The following DHX8 variants were observed in gnomAD, a reference collection of about 807,000 sequenced individuals.
DHX8 encodes ATP-dependent RNA helicase DHX8.
Under a neutral mutation model 140.7 loss-of-function variants are expected in DHX8, and 67 were observed. That is an observed-to-expected ratio of 0.48 (90% CI 0.39 to 0.58). The LOEUF is 0.58. Among genes scored for constraint, DHX8 ranks in the 20% least tolerant of loss-of-function variants. The pLI, the probability that DHX8 is intolerant of heterozygous loss-of-function variation, is 0.00. For synonymous variants in DHX8, 533 were observed against 553.2 expected (o/e 0.96, Z 0.51); for missense variants, 887 against 1,550.7 (o/e 0.57, Z 7.19).
intron 16 of DHX8, among the ~76,000 whole-genome samples, chr17:43,512,958 G>A (rs901642494): frequency 2.0e-5 from 3 of 151,976 alleles, no homozygotes; most frequent in Non-Finnish European, 2.9e-5. Context: ...CAGATGTCTC[G>A]GTAGGGGAAA....
downstream of DHX8, chr17:43,526,026 G>A (rs147872257): frequency 3.0e-6 from 3 of 985,250 alleles, no homozygotes; most frequent in Admixed American, 6.1e-5. Context: ...ATCTCTCTAC[G>A]CTAGAGCTGA....
chr17:43,499,596 T>C (rs79509642), intron 10 of DHX8, among the ~76,000 whole-genome samples: 79 of 152,344 alleles, frequency 5.2e-4, no homozygotes, highest in African/African-American at 1.8e-3. Flanking sequence ...TCTTTAGGCA[T>C]ACCTGAAACC....
rs747267461 is a variant in DHX8, at chr17:43,521,509, T to C, written c.3207T>C (p.Ala1069=). Residue 1069 remains alanine (A), a synonymous_variant, in exon 21 of 23, where the codon GCT becomes GCC. Transcript: ENST00000262415. ...NPWCYENFIQ[A]RSLRRAQDIR... ...GGTGCTATGAGAACTTTATCCAGGC[T>C]CGTTCCCTGCGCCGGGCCCAGGACA... 8.1e-6 allele frequency: 13 copies of C among 1,613,768 alleles called. 2 individuals carry two copies. The South Asian group carries it at 1.3e-4, about 16-fold the overall frequency.
At chr17:43,532,393 G>A (rs1225444223) in intron 2 of DHX8, among the ~76,000 whole-genome samples, 1 of 152,094 alleles carries the variant, frequency 6.6e-6, no homozygotes, top group Non-Finnish European at 1.5e-5. Flanking sequence ...CAGGTACTCG[G>A]GAGGCTGAGG....
intron 10 of DHX8, among the ~76,000 whole-genome samples, chr17:43,499,563 A>C (rs539262863): frequency 7.2e-5 from 11 of 152,338 alleles, no homozygotes; most frequent in African/African-American, 2.4e-4. Context: ...TTTCATCATG[A>C]GATGGATCTG....
At chr17:43,533,879 G>A (rs1379773926) in intron 2 of DHX8, 1 of 1,605,458 alleles carries the variant, frequency 6.2e-7, no homozygotes, top group East Asian at 2.3e-5. Context: ...GGCACTGCTC[G>A]CCATGGTGGT....
At chr17:43,502,315 G>A (rs1023634780) in intron 11 of DHX8, among the ~76,000 whole-genome samples, 2 of 152,224 alleles carry the variant, frequency 1.3e-5, no homozygotes, top group African/African-American at 2.4e-5. Context: ...CACTTTGGGA[G>A]GCCGAGGCAG....
At chr17:43,499,324 T>G (rs1969051293) in intron 10 of DHX8, among the ~76,000 whole-genome samples, 1 of 152,204 alleles carries the variant, frequency 6.6e-6, no homozygotes, top group African/African-American at 2.4e-5. Flanking sequence ...GCTGTAGCAC[T>G]GGGTGCTGGA....
At chr17:43,508,283 G>A (rs1026232461) in intron 15 of DHX8, 56 bp from the exon 16 acceptor site, 18 of 1,563,006 alleles carry the variant, frequency 1.2e-5, no homozygotes, top group Non-Finnish European at 1.5e-5. Flanking sequence ...CATAGCCCTT[G>A]TATAGGACAC....
At position 43,492,422 on chromosome 17, in the gene DHX8, G is replaced by C. The variant is rs1003810652; in HGVS notation, c.503+130G>C. 3.2e-5 allele frequency: 22 copies of C among 695,034 alleles called. No individual in the cohort carries two copies. The Admixed American group carries it at 3.8e-4, about 12-fold the overall frequency. 43.1% of individuals were successfully genotyped at this position (695,034 alleles called of 1,614,324 possible). On this transcript the variant is annotated intron_variant, in intron 5 of 22. Coordinates refer to ENST00000262415, the MANE Select transcript of DHX8 (RefSeq NM_004941.3). ...GGTCATATATCATATTGTTGGATCTGTTTTCATTGCTTCCTGCTAAGTGTA... is the reference window on the plus strand; with the variant it reads ...GGTCATATATCATATTGTTGGATCTCTTTTCATTGCTTCCTGCTAAGTGTA...
intron 22 of DHX8, 135 bp from the exon 23 acceptor site, chr17:43,523,493 T>TGCAGTCTGTTTATGACA: frequency 7.3e-7 from 1 of 1,371,722 alleles, no homozygotes; most frequent in Non-Finnish European, 9.8e-7. Context: ...ATAAACAGAC[T>TGCAGTCTGTTTATGACA]GCAGTCTTAT....
At chr17:43,529,023 T>G, downstream of DHX8, 1 of 1,038,216 alleles carries the variant, frequency 9.6e-7, no homozygotes, top group Non-Finnish European at 1.5e-6. Flanking sequence ...TCTGACTGAT[T>G]CATTATCTGA....
At position 43,484,041 on chromosome 17, in the gene DHX8, G is replaced by T. The variant is rs772366722; in HGVS notation, c.4G>T (p.Ala2Ser). M[A>S]VAVAMAGALI... is the part of the protein sequence containing the mutation. ...AGGTTCTGGGCAAGCTATAGCCATGGCTGTGGCTGTAGCCATGGCGGGAGC... is the reference window on the plus strand; with the variant it reads ...AGGTTCTGGGCAAGCTATAGCCATGTCTGTGGCTGTAGCCATGGCGGGAGC... The change falls in exon 1 of 23, where the codon GCT (alanine) becomes TCT (serine). Residue 2 changes from alanine (A) to serine (S), a missense_variant. Ala to Ser is a moderately conservative substitution (Grantham distance 99, BLOSUM62 1). This residue lies in a region of DHX8 where 32 missense variants were observed against 25.1 expected (regional missense o/e 1.28). Coordinates refer to ENST00000262415, the MANE Select transcript of DHX8 (RefSeq NM_004941.3). 2.0e-5 allele frequency: 32 copies of T among 1,613,938 alleles called. No homozygotes were observed. Among genetic ancestry groups the T allele is most frequent in the Non-Finnish European group, 2.6e-5 (31 of 1,179,940 alleles).
At chr17:43,540,100 G>A (rs769187923) in intron 3 of DHX8, among the ~76,000 whole-genome samples, 13 of 152,098 alleles carry the variant, frequency 8.5e-5, no homozygotes, top group Non-Finnish European at 1.8e-4. Context: ...GCACAAACAC[G>A]GCAAAAAGAC....
At chr17:43,492,318 G>C in intron 5 of DHX8, 26 bp downstream of exon 5, 1 of 1,580,104 alleles carries the variant, frequency 6.3e-7, no homozygotes, top group Non-Finnish European at 8.7e-7. Flanking sequence ...CCTGTCCTTT[G>C]GAAGTTTAGG....
chr17:43,523,876 G>A lies in DHX8; in HGVS notation c.*29G>A. ...GCAAGATTGTTCCTTTGCCTCTCCA[G>A]CAGCAGTAGCCAGGGCTTGGACTTA... On this transcript the variant is annotated 3_prime_UTR_variant, in exon 23 of 23. Coordinates refer to ENST00000262415, the MANE Select transcript of DHX8 (RefSeq NM_004941.3). The A allele has an allele frequency of 6.2e-7, 1 of 1,613,472 alleles. No homozygotes were observed. Among genetic ancestry groups the A allele is most frequent in the Non-Finnish European group, 8.5e-7 (1 of 1,179,748 alleles).
chr17:43,499,678 T>G (rs191119502), intron 10 of DHX8, among the ~76,000 whole-genome samples: 222 of 152,350 alleles, frequency 1.5e-3, no homozygotes, highest in African/African-American at 5.1e-3. Context: ...CTTATACCTT[T>G]CTTATGTCCT....
chr17:43,497,360 G>A (rs1018445870), intron 9 of DHX8, among the ~76,000 whole-genome samples: 1 of 151,920 alleles, frequency 6.6e-6, no homozygotes, highest in African/African-American at 2.4e-5. Flanking sequence ...GTTGTTTCTT[G>A]GTTTTTGGTT....
chr17:43,520,307 T>G (rs750901771), intron 19 of DHX8, 40 bp downstream of exon 19: 1 of 1,605,940 alleles, frequency 6.2e-7, no homozygotes, highest in Admixed American at 1.7e-5. Context: ...TTGGGAAGAT[T>G]CCCTGGTCAG....
Sources: allele counts gnomAD v4.1 joint callset (sites outside exome capture counted in the v4.1 genomes callset), GRCh38; gene constraint gnomAD v4.1.1; regional missense constraint gnomAD v4.1.1; transcripts MANE v1.5; gene names NCBI Gene and HGNC (gene_info 2026-07-23, HGNC 2026-07-21).